CFAP44: variants seen among roughly 807,000 people sequenced by gnomAD.
CFAP44 encodes cilia and flagella associated protein 44.
In CFAP44, 134 loss-of-function variants were observed where a neutral mutation model predicts 216.2. That is an observed-to-expected ratio of 0.62 (90% confidence interval 0.54 to 0.72). The LOEUF (loss-of-function observed/expected upper bound fraction) is 0.72. Ranked by LOEUF, CFAP44 falls within the 30% of genes least tolerant of loss-of-function variation. The pLI, the probability that CFAP44 is intolerant of heterozygous loss-of-function variation, is 0.00. For missense variants in CFAP44, 2,035 were observed against 2,182.1 expected, an observed-to-expected ratio of 0.93 and a Z score of 1.34; for synonymous variants, 700 against 727.6, an observed-to-expected ratio of 0.96 and a Z score of 0.61.
chr3:113,412,643 G>A (rs554612231), intron 6 of CFAP44, among the ~76,000 whole-genome samples: 20 of 152,042 alleles, frequency 1.3e-4, no homozygotes, highest in Non-Finnish European at 2.8e-4. Flanking sequence ...CTGTTCCTGT[G>A]TTAGTTTGCT....
chr3:113,348,725 G>A lies in CFAP44; in HGVS notation c.3066-4013C>T, dbSNP rs182949265. 7.1e-4 allele frequency among the ~76,000 whole-genome samples: 108 copies of A among 152,216 alleles called. 1 individual carries two copies. The Middle Eastern group carries it at 0.02, about 29-fold the overall frequency. On this transcript the variant is annotated intron_variant, in intron 22 of 34. Transcript: ENST00000393845. Reference sequence around the variant, plus strand: ...GTCCCCTTCAAGCTGTAGGGGGAGGGGAATTTGGCCCAACCCGGGTACATG... The same window carrying A: ...GTCCCCTTCAAGCTGTAGGGGGAGGAGAATTTGGCCCAACCCGGGTACATG...
rs191260437 is a variant in CFAP44 at position 113,335,256 on chromosome 3, T to G, written c.3438-1673A>C. On this transcript the variant is annotated intron_variant, in intron 24 of 34. Transcript: ENST00000393845. ...ATAAAACTGTAATTCTTGAGAAAAGTAAAAAGACATGATCCTTATTATCTC... is the reference window on the plus strand; with the variant it reads ...ATAAAACTGTAATTCTTGAGAAAAGGAAAAAGACATGATCCTTATTATCTC... Among the ~76,000 whole-genome samples, 42 of 152,134 alleles carry G rather than the reference T, an allele frequency of 2.8e-4. 1 individual carries two copies. The East Asian group carries it at 7.1e-3, about 26-fold the overall frequency.
At chr3:113,419,770 A>G (rs1647329133) in intron 5 of CFAP44, among the ~76,000 whole-genome samples, 1 of 152,212 alleles carries the variant, frequency 6.6e-6, no homozygotes, top group South Asian at 2.1e-4. Flanking sequence ...CCTAACCTCT[A>G]TAAGCCCATT....
intron 33 of CFAP44, among the ~76,000 whole-genome samples, chr3:113,295,585 C>A (rs982348529): frequency 6.6e-6 from 1 of 152,138 alleles, no homozygotes. Flanking sequence ...CTCCTCCTAC[C>A]CCATCTGCTA....
chr3:113,382,246 T>C (rs111330764), intron 15 of CFAP44, among the ~76,000 whole-genome samples: 5 of 152,158 alleles, frequency 3.3e-5, no homozygotes, highest in African/African-American at 7.2e-5. Flanking sequence ...CAGCAAAGCA[T>C]AGTATCACAA....
At chr3:113,394,928 G>GT (rs1259649432) in intron 15 of CFAP44, among the ~76,000 whole-genome samples, 5 of 152,204 alleles carry the variant, frequency 3.3e-5, no homozygotes, top group Non-Finnish European at 7.3e-5. Context: ...TAAATGTATA[G>GT]TTTTTTCTCC....
At chr3:113,389,690 A>C (rs1410578013) in intron 15 of CFAP44, among the ~76,000 whole-genome samples, 6 of 152,202 alleles carry the variant, frequency 3.9e-5, no homozygotes, top group South Asian at 2.1e-4. Context: ...CTGATACCAC[A>C]GAAATTCAAA....
intron 23 of CFAP44, among the ~76,000 whole-genome samples, chr3:113,343,963 T>C (rs1047321691): frequency 6.6e-6 from 1 of 152,242 alleles, no homozygotes; most frequent in African/African-American, 2.4e-5. Context: ...CTTGTTCTTT[T>C]ACTAATCTGC....
intron 15 of CFAP44, among the ~76,000 whole-genome samples, chr3:113,391,499 C>A (rs1043016903): frequency 6.6e-6 from 1 of 152,112 alleles, no homozygotes; most frequent in Non-Finnish European, 1.5e-5. Flanking sequence ...AATGGAATCA[C>A]ATCAACTTAA....
rs1935170355 is a variant in CFAP44 at position 113,433,828 on chromosome 3, C to T, written c.-5-159G>A. ...ACCCACCAGTAGGAGGGTGCAACTA[C>T]CACCAGAGACCTCTGACCTCTGCAA... On this transcript the variant is annotated intron_variant, in intron 1 of 34. Transcript: ENST00000393845. 6 of 581,402 alleles carry T rather than the reference C, an allele frequency of 1.0e-5. No individual in the cohort carries two copies. The South Asian group carries it at 1.1e-4, about 10-fold the overall frequency. The allele number at this position is 581,402 out of a possible 1,614,324, so 36.0% of individuals were successfully genotyped here.
intron 28 of CFAP44, among the ~76,000 whole-genome samples, chr3:113,313,076 C>T (rs985597467): frequency 6.6e-6 from 1 of 152,114 alleles, no homozygotes; most frequent in Non-Finnish European, 1.5e-5. Flanking sequence ...CAACAGCTTG[C>T]ACCGTGCACC....
At chr3:113,423,262 G>A (rs1282813167) in intron 4 of CFAP44, among the ~76,000 whole-genome samples, 1 of 151,776 alleles carries the variant, frequency 6.6e-6, no homozygotes, top group Non-Finnish European at 1.5e-5. Flanking sequence ...CTACAGGTGT[G>A]CACCACCACA....
chr3:113,417,773 T>C (rs1934688287), intron 5 of CFAP44, among the ~76,000 whole-genome samples: 1 of 152,098 alleles, frequency 6.6e-6, no homozygotes, highest in Admixed American at 6.6e-5. Context: ...GTGTAAGAGA[T>C]AGGATTCAAG....
chr3:113,351,452 C>T (rs1027111621), intron 22 of CFAP44, among the ~76,000 whole-genome samples: 1 of 152,166 alleles, frequency 6.6e-6, no homozygotes, highest in Admixed American at 6.5e-5. Context: ...TACTACCACA[C>T]ACTCTCAAAG....
chr3:113,345,333 T>C (rs978211045), intron 22 of CFAP44, among the ~76,000 whole-genome samples: 2 of 152,072 alleles, frequency 1.3e-5, no homozygotes, highest in Non-Finnish European at 2.9e-5. Flanking sequence ...ATGTTCATTC[T>C]TCACCTCACA....
At chr3:113,307,077 C>T (rs1391787203) in intron 29 of CFAP44, among the ~76,000 whole-genome samples, 3 of 152,198 alleles carry the variant, frequency 2.0e-5, no homozygotes, top group East Asian at 1.9e-4. Flanking sequence ...TCTACTGAAC[C>T]GTTCATCTAT....
rs998375484 is a variant in CFAP44 at position 113,406,929 on chromosome 3, T to C, written c.1003A>G (p.Lys335Glu). 59 of 1,610,638 alleles carry C rather than the reference T, an allele frequency of 3.7e-5. No homozygotes were observed. Among genetic ancestry groups the C allele is most frequent in the Non-Finnish European group, 4.9e-5 (58 of 1,177,000 alleles). The change falls in exon 8 of 35, where the codon AAG (lysine) becomes GAG (glutamate). Residue 335 changes from lysine to glutamate, a missense_variant and splice_region_variant. Lys to Glu is a moderately conservative substitution (Grantham distance 56). Coordinates refer to ENST00000393845, the MANE Select transcript of CFAP44 (RefSeq NM_001164496.2). The stretch of plus-strand genomic sequence containing the variant: ...TGTAGAATAGTAGCTGTACTCACCT[T>C]CCCATCTGGGAGCTCCATGTAGCCT... ...IEGYMELPDG[K>E]VLSGSEWGNM...
chr3:113,431,804 G>A (rs1410367456), intron 2 of CFAP44, among the ~76,000 whole-genome samples: 2 of 152,182 alleles, frequency 1.3e-5, no homozygotes, highest in African/African-American at 4.8e-5. Flanking sequence ...TAGGTGAACA[G>A]TCAAAATTAA....
Position 113,308,213 on chromosome 3 carries a change from A to G in CFAP44, c.4572T>C (p.Asp1524=). The G allele has an allele frequency of 1.3e-6, 2 of 1,536,614 alleles. No individual in the cohort carries two copies. The highest frequency in any genetic ancestry group is 1.7e-6 in the Non-Finnish European group (2 of 1,146,760). The change falls in exon 29 of 35, where the codon GAT becomes GAC. Residue 1524 remains aspartate (D), a synonymous_variant. Transcript: ENST00000393845. Reference sequence around the variant, plus strand: ...CATCTTCTGATTCAGACTCATCTTCATCACTCTCCAAGCTAGATTCTTCTT... The same window carrying G: ...CATCTTCTGATTCAGACTCATCTTCGTCACTCTCCAAGCTAGATTCTTCTT... ...SSEEESSLES[D]EDESESEDEV...
Sources: allele counts gnomAD v4.1 joint callset (sites outside exome capture counted in the v4.1 genomes callset), GRCh38; gene constraint gnomAD v4.1.1; transcripts MANE v1.5; gene names NCBI Gene and HGNC (gene_info 2026-07-23, HGNC 2026-07-21).